NF1: variants seen among roughly 807,000 people sequenced by gnomAD.
NF1 encodes the protein neurofibromin 1, also known as neurofibromin.
In NF1, 122 loss-of-function variants were observed where a neutral mutation model predicts 325.7. The observed-to-expected ratio is 0.37, with a 90% CI of 0.32 to 0.44. NF1 has a LOEUF of 0.44. Ranked by LOEUF, NF1 falls within the 20% of genes least tolerant of loss-of-function variation. NF1 has a pLI of 1.00. For missense variants in NF1, 2,140 were observed against 3,415.4 expected, an observed-to-expected ratio of 0.63 and a Z score of 9.31; for synonymous variants, 1,091 against 1,186.0, an observed-to-expected ratio of 0.92 and a Z score of 1.65.
At chr17:31,230,020 A>G (rs775412304) in intron 22 of NF1, 46 bp downstream of exon 22, 4 of 1,604,780 alleles carry the variant, frequency 2.5e-6, no homozygotes, top group South Asian at 1.1e-5. Context: ...AAGAGATAAG[A>G]AAAACCTCTT....
chr17:31,190,602 A>G (rs1479825344), intron 8 of NF1, among the ~76,000 whole-genome samples: 1 of 152,200 alleles, frequency 6.6e-6, no homozygotes, highest in Non-Finnish European at 1.5e-5. Flanking sequence ...GTGGATATTC[A>G]GATGTTTTCA....
intron 57 of NF1, 27 bp from the exon 58 acceptor site, chr17:31,373,986 G>A (rs1043153566): frequency 1.2e-6 from 2 of 1,613,862 alleles, no homozygotes; most frequent in Non-Finnish European, 8.5e-7. Flanking sequence ...AAAAGAAGAA[G>A]TAACTGGCTG....
intron 12 of NF1, among the ~76,000 whole-genome samples, chr17:31,209,258 G>A (rs2066679232): frequency 6.6e-6 from 1 of 152,192 alleles, no homozygotes; most frequent in Non-Finnish European, 1.5e-5. Context: ...CATTTGTATT[G>A]CCTCAAATGA....
intron 1 of NF1, among the ~76,000 whole-genome samples, chr17:31,104,931 G>T (rs915384546): frequency 1.3e-5 from 2 of 152,104 alleles, no homozygotes; most frequent in South Asian, 4.1e-4. Flanking sequence ...TAGAAGTGAG[G>T]TCTCTCTTTG....
chr17:31,363,873 T>C (rs1021457562), intron 57 of NF1, among the ~76,000 whole-genome samples: 1 of 152,038 alleles, frequency 6.6e-6, no homozygotes, highest in Non-Finnish European at 1.5e-5. Context: ...CCCTAGTAGC[T>C]GGAATTACAA....
intron 30 of NF1, chr17:31,249,880 A>G (rs930514767): frequency 2.6e-5 from 12 of 463,748 alleles, no homozygotes; most frequent in Middle Eastern, 6.4e-4. Context: ...GTGGGTCTGG[A>G]ATTTGGGATA....
intron 57 of NF1, among the ~76,000 whole-genome samples, chr17:31,373,680 C>T (rs934247285): frequency 1.3e-5 from 2 of 152,042 alleles, no homozygotes; most frequent in Admixed American, 6.5e-5. Context: ...ACAGTGGTCC[C>T]GAAAGATTAT....
intron 4 of NF1, among the ~76,000 whole-genome samples, chr17:31,164,379 T>C (rs2065812016): frequency 6.6e-6 from 1 of 152,234 alleles, no homozygotes; most frequent in South Asian, 2.1e-4. Context: ...GGGATAGAAT[T>C]ATAAGTGACA....
chr17:31,099,642 C>T (rs1912120162), intron 1 of NF1, among the ~76,000 whole-genome samples: 1 of 151,018 alleles, frequency 6.6e-6, no homozygotes, highest in Non-Finnish European at 1.5e-5. Flanking sequence ...ATACTGCAAC[C>T]TCTGCCTCCT....
chr17:31,154,021 G>A (rs915295196), intron 1 of NF1, among the ~76,000 whole-genome samples: 1 of 130,156 alleles, frequency 7.7e-6, no homozygotes, highest in African/African-American at 2.9e-5. Context: ...TCATCAGTTT[G>A]TGTTTTTACT....
intron 8 of NF1, among the ~76,000 whole-genome samples, chr17:31,197,010 G>A (rs750094485): frequency 2.4e-4 from 37 of 151,642 alleles, no homozygotes; most frequent in Admixed American, 1.2e-3. Context: ...ACTATTATGC[G>A]GCTCTTTGAG....
intron 39 of NF1, 186 bp from the exon 40 acceptor site, chr17:31,334,652 A>G (rs2069593679): frequency 1.9e-6 from 1 of 539,962 alleles, no homozygotes; most frequent in African/African-American, 1.9e-5. Context: ...TTTTAAAATT[A>G]CTTTCTTCAA....
intron 1 of NF1, among the ~76,000 whole-genome samples, chr17:31,105,067 T>C (rs889160748): frequency 2.0e-5 from 3 of 152,124 alleles, no homozygotes; most frequent in Non-Finnish European, 4.4e-5. Context: ...CTGGCTATTA[T>C]TTTAATTTTT....
In NF1 at chr17:31,233,211, T is replaced by A. The variant is rs1555615111; in HGVS notation, c.3706T>A (p.Trp1236Arg). 6.2e-7 allele frequency: 1 copy of A among 1,613,786 alleles called. No homozygotes were observed. Among genetic ancestry groups the A allele is most frequent in the Non-Finnish European group, 8.5e-7 (1 of 1,179,696 alleles). The stretch of plus-strand genomic sequence containing the variant: ...GGCCAATGTGGTTCCTTGTTCTCAG[T>A]GGGTAAGTGATTAGAGTAAGCGGGG... ...ALANVVPCSQ[W>R]DELARVLVTL... is the part of the protein sequence containing the mutation. Residue 1236 changes from tryptophan to arginine, a missense_variant and splice_region_variant, in exon 27 of 58, where the codon TGG becomes AGG. Physicochemically the swap from Trp to Arg is moderately radical, Grantham distance 101 (BLOSUM62 -3). Coordinates refer to ENST00000358273, the MANE Select transcript of NF1 (RefSeq NM_001042492.3).
intron 1 of NF1, among the ~76,000 whole-genome samples, chr17:31,128,251 C>T (rs1915054447): frequency 6.6e-6 from 1 of 151,994 alleles, no homozygotes; most frequent in Admixed American, 6.6e-5. Context: ...TGCACCCAGC[C>T]CCAGGGTTGT....
rs1290559499 is a variant in NF1, at chr17:31,222,403, T to A, written c.1721+474T>A. ...AAAATGTATGCAGAATTTTGTGGTC[T>A]GCTTCCTAGATTATACAAATCATTA... On this transcript the variant is annotated intron_variant, in intron 15 of 57. Coordinates refer to ENST00000358273, the MANE Select transcript of NF1 (RefSeq NM_001042492.3). 6.8e-6 allele frequency: 7 copies of A among 1,034,368 alleles called. No individual in the cohort carries two copies. In the Admixed American group the frequency reaches 4.0e-4, roughly 59 times the overall value. The allele number at this position is 1,034,368 out of a possible 1,614,324, so 64.1% of individuals were successfully genotyped here.
intron 4 of NF1, among the ~76,000 whole-genome samples, chr17:31,167,585 T>C (rs1370155155): frequency 6.6e-6 from 1 of 152,200 alleles, no homozygotes; most frequent in East Asian, 1.9e-4. Context: ...AAGTTTACAA[T>C]TTAATTGTGC....
Position 31,337,349 on chromosome 17 carries a change from T to C in NF1, c.6428-19T>C, listed in dbSNP as rs2151555868. On this transcript the variant is annotated intron_variant, in intron 42 of 57. Coordinates refer to ENST00000358273, the MANE Select transcript of NF1 (RefSeq NM_001042492.3). Reference sequence around the variant, plus strand: ...AAGTAATATTTTCTGTCTTTACTTGTTCCTTTATTCTCTTACAGAAGAGAC... The same window carrying C: ...AAGTAATATTTTCTGTCTTTACTTGCTCCTTTATTCTCTTACAGAAGAGAC... 6.3e-7 allele frequency: 1 copy of C among 1,574,850 alleles called. No individual in the cohort carries two copies. The highest frequency in any genetic ancestry group is 1.1e-5 in the South Asian group (1 of 90,116).
At chr17:31,248,916 T>C in intron 29 of NF1, 68 bp from the exon 30 acceptor site, 4 of 1,531,102 alleles carry the variant, frequency 2.6e-6, no homozygotes, top group Non-Finnish European at 3.6e-6. Context: ...AAGAGTCTCT[T>C]TTAAGGAGTG....
Sources: allele counts gnomAD v4.1 joint callset (sites outside exome capture counted in the v4.1 genomes callset), GRCh38; gene constraint gnomAD v4.1.1; transcripts MANE v1.5; gene names NCBI Gene and HGNC (gene_info 2026-07-23, HGNC 2026-07-21).